Variants in LPO observed in about 807,000 individuals in gnomAD.
LPO encodes lactoperoxidase.
Under a neutral mutation model 68.4 loss-of-function variants are expected in LPO, and 70 were observed. That is an observed-to-expected ratio of 1.02 (90% CI 0.84 to 1.25). The LOEUF (loss-of-function observed/expected upper bound fraction) is 1.25. LPO is among the 50% of genes most tolerant of loss of function. The pLI is 0.00. For missense variants in LPO, 873 were observed against 908.4 expected, an observed-to-expected ratio of 0.96 and a Z score of 0.50; for synonymous variants, 360 against 357.6, an observed-to-expected ratio of 1.01 and a Z score of -0.08.
intron 9 of LPO, among the ~76,000 whole-genome samples, chr17:58,263,075 T>C (rs1395739624): frequency 6.6e-6 from 1 of 152,198 alleles, no homozygotes; most frequent in East Asian, 1.9e-4. Context: ...TCTATTGATC[T>C]GTCTCCAATT....
chr17:58,254,958 G>C lies in LPO; in HGVS notation c.1253G>C (p.Gly418Ala), dbSNP rs1329664911. Residue 418 changes from glycine (G) to alanine (A), a missense_variant, in exon 9 of 13, where the codon GGA becomes GCA. Transcript: ENST00000262290. ...KLYQEARKIL[G>A]AFVQIITFRD... ...TACCAGGAAGCCCGGAAAATCCTGG[G>C]AGCCTTCGTGCAGGTAGGGAGTCCC... 6.2e-7 allele frequency: 1 copy of C among 1,613,870 alleles called. No individual in the cohort carries two copies. The highest frequency in any genetic ancestry group is 8.5e-7 in the Non-Finnish European group (1 of 1,179,958).
At chr17:58,248,403 G>GC (rs774639590) in intron 4 of LPO, among the ~76,000 whole-genome samples, 3 of 152,036 alleles carry the variant, frequency 2.0e-5, no homozygotes, top group South Asian at 2.1e-4. Context: ...TTCAGAGATG[G>GC]CCCCCCGGAA....
In LPO at chr17:58,252,297, C is replaced by A. The variant is rs1969974209; in HGVS notation, c.896C>A (p.Ala299Asp). ...YKSLAREQIN[A>D]LTSFLDASFV... ...TCCCTGGCCCGAGAGCAGATCAACG[C>A]TCTGACCTCCTTCCTGGATGCCAGC... The change falls in exon 8 of 13, where the codon GCT (alanine) becomes GAT (aspartate). Residue 299 changes from alanine (A) to aspartate (D), a missense_variant. Transcript: ENST00000262290. The A allele has an allele frequency of 1.2e-6, 2 of 1,614,128 alleles. No homozygotes were observed. The highest frequency in any genetic ancestry group is 8.5e-7 in the Non-Finnish European group (1 of 1,180,058).
At chr17:58,254,152 T>TATATATAG (rs1555605280) in intron 8 of LPO, among the ~76,000 whole-genome samples, 7 of 133,322 alleles carry the variant, frequency 5.3e-5, no homozygotes, top group East Asian at 2.1e-4. Flanking sequence ...TATATAGATA[T>TATATATAG]ATAGATAGAT....
intron 9 of LPO, among the ~76,000 whole-genome samples, chr17:58,256,919 A>G (rs1409831506): frequency 1.3e-5 from 2 of 151,906 alleles, no homozygotes; most frequent in East Asian, 3.8e-4. Flanking sequence ...AGTTATTTGA[A>G]AATGCACAAT....
At chr17:58,247,079 T>C (rs1035576042) in intron 3 of LPO, among the ~76,000 whole-genome samples, 3 of 152,160 alleles carry the variant, frequency 2.0e-5, no homozygotes, top group Admixed American at 1.3e-4. Flanking sequence ...TGAGGGGAAG[T>C]CACTCAGAGG....
chr17:58,254,181 A>G (rs1970025055), intron 8 of LPO, among the ~76,000 whole-genome samples: 1 of 151,462 alleles, frequency 6.6e-6, no homozygotes, highest in African/African-American at 2.4e-5. Context: ...AGATAGATAG[A>G]TAGATAGATA....
At position 58,268,278 on chromosome 17, in the gene LPO, A is replaced by G; in HGVS notation, c.*284A>G. The G allele has an allele frequency of 2.2e-6, 1 of 449,376 alleles. No individual in the cohort carries two copies. The highest frequency in any genetic ancestry group is 4.1e-6 in the Non-Finnish European group (1 of 244,158). The allele number at this position is 449,376 out of a possible 1,614,324, so 27.8% of individuals were successfully genotyped here. On this transcript the variant is annotated 3_prime_UTR_variant, in exon 13 of 13. Coordinates refer to ENST00000262290, the MANE Select transcript of LPO (RefSeq NM_006151.3). ...GGATGTTACCTGTCCTCTTCCCTCC[A>G]CAAGTCTTGGCCCTTAACCTTTATC...
intron 8 of LPO, among the ~76,000 whole-genome samples, chr17:58,254,140 GATAT>G (rs775226197): frequency 0.019 from 1,982 of 106,494 alleles, 15 homozygotes; most frequent in African/African-American, 0.033. Context: ...TAGATATATA[GATAT>G]ATAGATATAT....
chr17:58,258,334 G>A (rs950401766), intron 9 of LPO, among the ~76,000 whole-genome samples: 1 of 152,134 alleles, frequency 6.6e-6, no homozygotes, highest in African/African-American at 2.4e-5. Context: ...TAAAAGATAG[G>A]GGTCTAGTTT....
At chr17:58,240,403 C>T (rs928995164) in intron 1 of LPO, among the ~76,000 whole-genome samples, 1 of 152,216 alleles carries the variant, frequency 6.6e-6, no homozygotes, top group Non-Finnish European at 1.5e-5. Context: ...AATATCTACA[C>T]ATCACAGGAG....
chr17:58,249,457 C>A lies in LPO; in HGVS notation c.444-109C>A, dbSNP rs4319828. On this transcript the variant is annotated intron_variant, in intron 5 of 12. Transcript: ENST00000262290. ...GACCCCAAATTTGAGAGGCCCCCTT[C>A]TCTGCGTCCCCTCCGCCTCGAGCAG... The A allele has an allele frequency of 2.7e-3, 3,957 of 1,459,542 alleles. 78 individuals are homozygous for A. The African/African-American group carries it at 0.047, about 18-fold the overall frequency. The allele number at this position is 1,459,542 out of a possible 1,614,324, so 90.4% of individuals were successfully genotyped here.
Position 58,267,948 on chromosome 17 carries a change from C to T in LPO, c.2093C>T (p.Ala698Val). 6.2e-7 allele frequency: 1 copy of T among 1,614,068 alleles called. No homozygotes were observed. The highest frequency in any genetic ancestry group is 1.3e-5 in the African/African-American group (1 of 75,026). The change falls in exon 13 of 13, where the codon GCC (alanine) becomes GTC (valine). Residue 698 changes from alanine (A) to valine (V), a missense_variant. Physicochemically the swap from Ala to Val is moderately conservative, Grantham distance 64 (BLOSUM62 0). Transcript: ENST00000262290. The part of the protein sequence containing the change: ...SYPYDFVDCS[A>V]IDKLDLSPWA... ...CCCTATGACTTCGTGGATTGCTCAG[C>T]CATCGACAAGCTGGACCTGTCACCC...
chr17:58,260,699 TA>T (rs1484371580), intron 9 of LPO, among the ~76,000 whole-genome samples: 3 of 152,198 alleles, frequency 2.0e-5, no homozygotes, highest in African/African-American at 7.2e-5. Context: ...ATTTTGCTCT[TA>T]TTTTTCAAGT....
At chr17:58,254,152 T>TATAGATAGATAGATAG (rs34548791) in intron 8 of LPO, among the ~76,000 whole-genome samples, 5,309 of 133,316 alleles carry the variant, frequency 0.04, 112 homozygotes, top group Middle Eastern at 0.049. Context: ...TATATAGATA[T>TATAGATAGATAGATAG]ATAGATAGAT....
chr17:58,254,602 C>G (rs973238934), intron 8 of LPO: 31 of 483,816 alleles, frequency 6.4e-5, no homozygotes, highest in African/African-American at 6.1e-4. Context: ...CAAGGTCACA[C>G]AGCTAAAAAG....
chr17:58,252,989 C>T (rs1319990246), intron 8 of LPO, among the ~76,000 whole-genome samples: 1 of 132,082 alleles, frequency 7.6e-6, no homozygotes, highest in Non-Finnish European at 1.5e-5. Flanking sequence ...CGCCACTGCA[C>T]TCCAGCCTGG....
At position 58,244,100 on chromosome 17, in the gene LPO, C is replaced by CACAT. The variant is rs1969810372; in HGVS notation, c.164+22_164+23insTACA. The CACAT allele has an allele frequency of 8.5e-7, 1 of 1,176,850 alleles. No individual in the cohort carries two copies. The highest frequency in any genetic ancestry group is 1.9e-5 in the Admixed American group (1 of 53,612). The allele number at this position is 1,176,850 out of a possible 1,614,324, so 72.9% of individuals were successfully genotyped here. On this transcript the variant is annotated intron_variant, in intron 3 of 12. Transcript: ENST00000262290. ...GAACCAGGTACGTGAGACACACACA[C>CACAT]ACACACACACACACACACACACACA...
chr17:58,243,180 T>C, intron 2 of LPO, 125 bp downstream of exon 2: 1 of 900,378 alleles, frequency 1.1e-6, no homozygotes, highest in Admixed American at 1.9e-5. Context: ...ATCAAGGTGT[T>C]GGCAGGGCTG....
Sources: allele counts gnomAD v4.1 joint callset (sites outside exome capture counted in the v4.1 genomes callset), GRCh38; gene constraint gnomAD v4.1.1; transcripts MANE v1.5; gene names NCBI Gene and HGNC (gene_info 2026-07-23, HGNC 2026-07-21).